Variants in FOXP1 observed in about 807,000 individuals in gnomAD.
FOXP1 encodes the protein forkhead box protein P1.
FOXP1 carries 15 observed loss-of-function variants against 98.2 expected under a neutral mutation model. The ratio of observed to expected loss-of-function variants is 0.15; its 90% CI spans 0.10 to 0.24. FOXP1 has a LOEUF of 0.24. Among genes scored for constraint, FOXP1 ranks in the 10% least tolerant of loss-of-function variants. The pLI, the probability that FOXP1 is intolerant of heterozygous loss-of-function variation, is 1.00. For missense variants in FOXP1, 633 were observed against 848.5 expected, an observed-to-expected ratio of 0.75 and a Z score of 3.15; for synonymous variants, 371 against 314.5, an observed-to-expected ratio of 1.18 and a Z score of -1.90.
At chr3:70,967,942 CTG>C in intron 19 of FOXP1, among the ~76,000 whole-genome samples, 1 of 152,224 alleles carries the variant, frequency 6.6e-6, no homozygotes, top group East Asian at 1.9e-4. Context: ...TGGTCAAAAA[CTG>C]TGAAGACAAA....
chr3:71,482,519 G>T (rs1433295466), intron 3 of FOXP1, among the ~76,000 whole-genome samples: 1 of 151,854 alleles, frequency 6.6e-6, no homozygotes, highest in African/African-American at 2.4e-5. Flanking sequence ...GGGTAACTGG[G>T]ATTACCAAGT....
chr3:71,525,569 G>C (rs532112801), intron 2 of FOXP1, among the ~76,000 whole-genome samples: 21 of 152,294 alleles, frequency 1.4e-4, no homozygotes, highest in South Asian at 2.1e-4. Flanking sequence ...TCTACACCCT[G>C]AACGAAGGTC....
chr3:71,481,035 A>G (rs960347492), intron 3 of FOXP1, among the ~76,000 whole-genome samples: 1 of 152,180 alleles, frequency 6.6e-6, no homozygotes, highest in Non-Finnish European at 1.5e-5. Context: ...TGCATGACAT[A>G]TATCACTACA....
chr3:71,444,732 C>A (rs1196228555), intron 3 of FOXP1, among the ~76,000 whole-genome samples: 1 of 152,132 alleles, frequency 6.6e-6, no homozygotes, highest in Admixed American at 6.5e-5. Context: ...ACTGGCCTAC[C>A]CAAGGCTCAG....
In FOXP1 at chr3:71,581,387, C is replaced by G. The variant is rs1014986225; in HGVS notation, c.-298+162G>C. The G allele has an allele frequency of 6.1e-6, 6 of 985,252 alleles. No homozygotes were observed. In the African/African-American group the frequency reaches 1.0e-4, roughly 17 times the overall value. The allele number at this position is 985,252 out of a possible 1,614,324, so 61.0% of individuals were successfully genotyped here. A position where few individuals can be genotyped will look rare whatever the true frequency, so the allele number is the denominator to read the frequency against. On this transcript the variant is annotated intron_variant, in intron 2 of 20. Transcript: ENST00000649528. ...GTGGAGGGGAGGAAGTCCAGTATTT[C>G]GAAGCACCTACCGGCCTGAGGATGG...
At chr3:71,204,521 G>A (rs2063889390) in intron 5 of FOXP1, among the ~76,000 whole-genome samples, 1 of 152,114 alleles carries the variant, frequency 6.6e-6, no homozygotes. Context: ...CTCAGTAGAG[G>A]ACTGCAACAA....
At chr3:71,071,660 GC>G (rs2053249585) in intron 7 of FOXP1, among the ~76,000 whole-genome samples, 6 of 151,968 alleles carry the variant, frequency 3.9e-5, no homozygotes. Flanking sequence ...TGCAACCTCC[GC>G]CCCCTGTGTT....
intron 11 of FOXP1, among the ~76,000 whole-genome samples, chr3:71,024,195 C>A (rs542474810): frequency 6.6e-6 from 1 of 152,122 alleles, no homozygotes; most frequent in Non-Finnish European, 1.5e-5. Flanking sequence ...ACAGGAGAAA[C>A]GACGATGCAA....
At chr3:71,220,446 T>C (rs1383265718) in intron 5 of FOXP1, among the ~76,000 whole-genome samples, 2 of 152,150 alleles carry the variant, frequency 1.3e-5, no homozygotes, top group African/African-American at 2.4e-5. Flanking sequence ...TGAAAGGGAA[T>C]GAGTCAGATG....
At chr3:71,373,886 G>C (rs946758438) in intron 3 of FOXP1, among the ~76,000 whole-genome samples, 2 of 152,164 alleles carry the variant, frequency 1.3e-5, no homozygotes, top group Admixed American at 6.5e-5. Flanking sequence ...GGTGTGGAGT[G>C]GCTATACACT....
chr3:70,965,970 C>A lies in FOXP1; in HGVS notation c.1809G>T (p.Arg603=). The A allele has an allele frequency of 6.2e-7, 1 of 1,614,138 alleles. No homozygotes were observed. Among genetic ancestry groups the A allele is most frequent in the Non-Finnish European group, 8.5e-7 (1 of 1,180,022 alleles). ...PTLGNLASAI[R]EELNGAMEHT... is the part of the protein sequence containing the mutation. ...GCTCCATTGCCCCGTTCAGCTCTTC[C>A]CGTATTGCGCTGGCTAAGTTGCCCA... is the stretch of plus-strand genomic sequence containing the variant. Residue 603 remains arginine, a synonymous_variant, in exon 20 of 21, where the codon CGG becomes CGT. Transcript: ENST00000649528.
At chr3:70,969,401 G>T (rs2035697932) in intron 19 of FOXP1, 13 of 152,144 alleles carry the variant, frequency 8.5e-5, no homozygotes, top group Admixed American at 7.9e-4. Context: ...TATAATTACT[G>T]AAATGCTAAG....
At chr3:71,257,342 C>T (rs890326191) in intron 5 of FOXP1, among the ~76,000 whole-genome samples, 5 of 151,940 alleles carry the variant, frequency 3.3e-5, no homozygotes, top group Admixed American at 6.6e-5. Context: ...TTTGGGAGGC[C>T]GAGATGGGCA....
intron 5 of FOXP1, among the ~76,000 whole-genome samples, chr3:71,276,547 TC>T (rs1381096750): frequency 2.6e-5 from 4 of 152,156 alleles, no homozygotes; most frequent in African/African-American, 9.7e-5. Flanking sequence ...CACTCTCACA[TC>T]CCTTACTCTA....
chr3:71,387,980 C>G (rs66535358), intron 3 of FOXP1, among the ~76,000 whole-genome samples: 25,930 of 152,132 alleles, frequency 0.17, 2,614 homozygotes, highest in South Asian at 0.23. Flanking sequence ...CAATTTTTCC[C>G]GAAAGTCTGT....
intron 2 of FOXP1, among the ~76,000 whole-genome samples, chr3:71,527,845 C>T (rs1157937434): frequency 1.3e-5 from 2 of 152,234 alleles, no homozygotes; most frequent in African/African-American, 4.8e-5. Flanking sequence ...TTAAACAGTT[C>T]ATCCTGTCCT....
chr3:71,104,789 C>A (rs2107688818), intron 7 of FOXP1, among the ~76,000 whole-genome samples: 1 of 152,314 alleles, frequency 6.6e-6, no homozygotes, highest in South Asian at 2.1e-4. Context: ...GAAACTTTGA[C>A]AAAACGTCCT....
chr3:71,392,309 T>C (rs1489747923), intron 3 of FOXP1, among the ~76,000 whole-genome samples: 3 of 152,222 alleles, frequency 2.0e-5, no homozygotes, highest in Non-Finnish European at 4.4e-5. Context: ...TGTTACATTA[T>C]ACTCAGCACT....
At chr3:71,523,400 G>A (rs1327187990) in intron 2 of FOXP1, among the ~76,000 whole-genome samples, 1 of 152,204 alleles carries the variant, frequency 6.6e-6, no homozygotes, top group Non-Finnish European at 1.5e-5. Flanking sequence ...CCCCACTGCT[G>A]AAGTTGTAAT....
Sources: allele counts gnomAD v4.1 joint callset (sites outside exome capture counted in the v4.1 genomes callset), GRCh38; gene constraint gnomAD v4.1.1; transcripts MANE v1.5; gene names NCBI Gene and HGNC (gene_info 2026-07-23, HGNC 2026-07-21).